ABL2: variants seen among roughly 807,000 people sequenced by gnomAD.
The protein encoded by ABL2 is tyrosine-protein kinase ABL2.
In ABL2, 49 loss-of-function variants were observed where a neutral mutation model predicts 107.7. The observed-to-expected ratio is 0.45, with a 90% CI of 0.36 to 0.58. ABL2 has a LOEUF of 0.58. ABL2 is among the 20% of genes least tolerant of loss of function. ABL2 has a pLI of 0.00. For synonymous variants in ABL2, 549 were observed against 548.6 expected, an observed-to-expected ratio of 1.00 and a Z score of -0.01; for missense variants, 1,245 against 1,457.0, an observed-to-expected ratio of 0.85 and a Z score of 2.37.
intron 1 of ABL2, among the ~76,000 whole-genome samples, chr1:179,190,755 C>T (rs1156508288): frequency 6.6e-6 from 1 of 152,132 alleles, no homozygotes; most frequent in Non-Finnish European, 1.5e-5. Context: ...AAAAGATGCT[C>T]TAATCACCAG....
rs182903877 is a variant in ABL2, at chr1:179,101,875, G to A, written c.*5843C>T. The A allele has an allele frequency of 2.6e-3, 482 of 188,188 alleles. 3 individuals carry two copies. Among genetic ancestry groups the A allele is most frequent in the African/African-American group, 0.011 (452 of 42,766 alleles). The allele number at this position is 188,188 out of a possible 1,614,324, so 11.7% of individuals were successfully genotyped here. A position where few individuals can be genotyped will look rare whatever the true frequency, so the allele number is the denominator to read the frequency against. ...CCATGCTTCTCAGTAAGAGAGGAGCGTAGGGAATGACAGTGAAGTTCAAGT... is the reference window on the plus strand; with the variant it reads ...CCATGCTTCTCAGTAAGAGAGGAGCATAGGGAATGACAGTGAAGTTCAAGT... On this transcript the variant is annotated 3_prime_UTR_variant, in exon 12 of 12. Transcript: ENST00000502732.
chr1:179,136,052 T>G (rs1656919326), intron 1 of ABL2, among the ~76,000 whole-genome samples: 1 of 143,174 alleles, frequency 7.0e-6, no homozygotes. Context: ...GGAGCCCCTC[T>G]GCCCGGCCAG....
chr1:179,103,524 A>G lies in ABL2; in HGVS notation c.*4194T>C, dbSNP rs1479682438. ...ACTAACTAGGTTTTTTAAAAACTCA[A>G]GTTGGTATTTCTTTACTACAAAGTG... On this transcript the variant is annotated 3_prime_UTR_variant, in exon 12 of 12. Transcript: ENST00000502732. 4.7e-5 allele frequency: 10 copies of G among 213,218 alleles called. 1 individual carries two copies. Among genetic ancestry groups the G allele is most frequent in the African/African-American group, 2.3e-4 (10 of 44,216 alleles). 13.2% of individuals were successfully genotyped at this position (213,218 alleles called of 1,614,324 possible). A position where few individuals can be genotyped will look rare whatever the true frequency, so the allele number is the denominator to read the frequency against.
chr1:179,112,045 A>C (rs1405559993), intron 10 of ABL2, among the ~76,000 whole-genome samples: 1 of 147,046 alleles, frequency 6.8e-6, no homozygotes, highest in African/African-American at 2.5e-5. Context: ...ACTCCATCTC[A>C]AAAAAAAAAA....
At chr1:179,154,121 CT>C (rs900318581) in intron 1 of ABL2, among the ~76,000 whole-genome samples, 4 of 152,150 alleles carry the variant, frequency 2.6e-5, no homozygotes, top group Non-Finnish European at 4.4e-5. Context: ...AATTCAGCTC[CT>C]CATTATTTCC....
At chr1:179,211,589 T>C (rs548531097) in intron 1 of ABL2, among the ~76,000 whole-genome samples, 37 of 152,060 alleles carry the variant, frequency 2.4e-4, no homozygotes, top group African/African-American at 7.9e-4. Flanking sequence ...AGGAAAAACA[T>C]ATACAGGAGA....
intron 1 of ABL2, among the ~76,000 whole-genome samples, chr1:179,165,895 C>T (rs972093739): frequency 5.9e-5 from 9 of 151,754 alleles, no homozygotes; most frequent in Admixed American, 2.0e-4. Flanking sequence ...TCCTAGGTTC[C>T]GGCGATTCTC....
chr1:179,181,813 C>T (rs898277367), intron 1 of ABL2, among the ~76,000 whole-genome samples: 1 of 151,954 alleles, frequency 6.6e-6, no homozygotes, highest in Non-Finnish European at 1.5e-5. Flanking sequence ...CAGAGTCTCA[C>T]TCTATTGCCC....
At chr1:179,118,176 T>C (rs1654839892) in intron 7 of ABL2, among the ~76,000 whole-genome samples, 1 of 146,826 alleles carries the variant, frequency 6.8e-6, no homozygotes, top group Non-Finnish European at 1.5e-5. Context: ...AAAAAGCCAC[T>C]AGATGGTGAA....
intron 1 of ABL2, among the ~76,000 whole-genome samples, chr1:179,171,731 C>T (rs1370525133): frequency 1.3e-5 from 2 of 152,156 alleles, no homozygotes; most frequent in Non-Finnish European, 2.9e-5. Context: ...ACTCTGTTGT[C>T]CAAACCCTTT....
At chr1:179,158,946 CAT>C (rs1397760428) in intron 1 of ABL2, among the ~76,000 whole-genome samples, 2 of 152,100 alleles carry the variant, frequency 1.3e-5, no homozygotes, top group Non-Finnish European at 2.9e-5. Context: ...GTACCTAACA[CAT>C]GTGAAGTGTG....
chr1:179,226,363 G>C (rs1663212268), intron 1 of ABL2, among the ~76,000 whole-genome samples: 2 of 147,438 alleles, frequency 1.4e-5, no homozygotes, highest in African/African-American at 5.0e-5. Context: ...ACCCAGGCTG[G>C]AGTGGCGCGA....
intron 1 of ABL2, among the ~76,000 whole-genome samples, chr1:179,167,479 T>C (rs959642616): frequency 3.9e-5 from 6 of 152,088 alleles, no homozygotes; most frequent in Admixed American, 3.9e-4. Flanking sequence ...ATTAACAGAG[T>C]GAAGTAAGTT....
At chr1:179,228,310 G>A (rs2124884833) in intron 1 of ABL2, among the ~76,000 whole-genome samples, 1 of 152,022 alleles carries the variant, frequency 6.6e-6, no homozygotes, top group South Asian at 2.1e-4. Context: ...TCCCGCCATT[G>A]CACTCCATCA....
intron 1 of ABL2, 35 bp downstream of exon 1, chr1:179,229,206 C>CCCCCCCCCCCCCCCA: frequency 2.0e-6 from 3 of 1,480,752 alleles, no homozygotes; most frequent in Non-Finnish European, 1.8e-6. Flanking sequence ...CCCGGCCTCC[C>CCCCCCCCCCCCCCCA]CCACGCTCTC....
intron 1 of ABL2, among the ~76,000 whole-genome samples, chr1:179,213,046 C>CAA (rs368969682): frequency 0.034 from 2,769 of 81,116 alleles, 91 homozygotes; most frequent in East Asian, 0.1. Flanking sequence ...AACTCCGTCT[C>CAA]AAAAAAAAAA....
chr1:179,137,647 A>G, intron 1 of ABL2: 1 of 152,214 alleles, frequency 6.6e-6, no homozygotes, highest in African/African-American at 2.4e-5. Context: ...AACCCCTATC[A>G]GGACAAAACC....
At chr1:179,115,126 AC>A in intron 8 of ABL2, 96 bp from the exon 9 acceptor site, 3 of 1,124,214 alleles carry the variant, frequency 2.7e-6, no homozygotes, top group Non-Finnish European at 3.8e-6. Flanking sequence ...GGTAACATTC[AC>A]ACACTGTTAC....
rs1652955875 is a variant in ABL2 at position 179,099,835 on chromosome 1, G to A, written c.*7883C>T. On this transcript the variant is annotated 3_prime_UTR_variant, in exon 12 of 12. Transcript: ENST00000502732. ...TCCAGTGACAGTCATTAGAGAATCA[G>A]ACTGCAGAGAAGGAAAAGTGCAGGG... 1 of 232,292 alleles carries A rather than the reference G, an allele frequency of 4.3e-6. No individual in the cohort carries two copies. The highest frequency in any genetic ancestry group is 2.2e-5 in the African/African-American group (1 of 45,290). 14.4% of individuals were successfully genotyped at this position (232,292 alleles called of 1,614,324 possible).
Sources: allele counts gnomAD v4.1 joint callset (sites outside exome capture counted in the v4.1 genomes callset), GRCh38; gene constraint gnomAD v4.1.1; transcripts MANE v1.5; gene names NCBI Gene and HGNC (gene_info 2026-07-23, HGNC 2026-07-21).